EBF1: variants seen among roughly 807,000 people sequenced by gnomAD.
The protein encoded by EBF1 is EBF transcription factor 1, also known as transcription factor COE1.
In EBF1, 10 loss-of-function variants were observed where a neutral mutation model predicts 68.4. The observed-to-expected ratio is 0.15, with a 90% confidence interval of 0.09 to 0.25. EBF1 has a LOEUF of 0.25. Among genes scored for constraint, EBF1 ranks in the 10% least tolerant of loss-of-function variants. The pLI is 1.00. For synonymous variants in EBF1, 298 were observed against 299.8 expected, an observed-to-expected ratio of 0.99 and a Z score of 0.06; for missense variants, 509 against 794.4, an observed-to-expected ratio of 0.64 and a Z score of 4.32.
intron 15 of EBF1, among the ~76,000 whole-genome samples, chr5:158,702,448 A>C (rs146278668): frequency 2.0e-5 from 3 of 152,172 alleles, no homozygotes; most frequent in African/African-American, 7.2e-5. Context: ...CTGGATGATC[A>C]TGTTCTCTGA....
At chr5:158,976,274 A>G (rs1243908839) in intron 6 of EBF1, among the ~76,000 whole-genome samples, 2 of 152,194 alleles carry the variant, frequency 1.3e-5, no homozygotes, top group African/African-American at 2.4e-5. Flanking sequence ...GCTCACATCA[A>G]TGGTAATGGG....
chr5:159,009,748 G>T lies in EBF1; in HGVS notation c.554+63648C>A, dbSNP rs116815958. Among the ~76,000 whole-genome samples, 544 of 149,764 alleles carry T rather than the reference G, an allele frequency of 3.6e-3. 3 individuals are homozygous for T. Among genetic ancestry groups the T allele is most frequent in the African/African-American group, 0.012 (498 of 40,704 alleles). On this transcript the variant is annotated intron_variant, in intron 6 of 15. Transcript: ENST00000313708. ...GAGCTGAGATCTGCACTCCAGCCTG[G>T]GCAAGAGAGCAAGACCCCATCTCAA...
chr5:158,908,492 C>T (rs930293019), intron 6 of EBF1, among the ~76,000 whole-genome samples: 10 of 152,312 alleles, frequency 6.6e-5, no homozygotes, highest in Admixed American at 3.3e-4. Flanking sequence ...GCAAGCAAGG[C>T]TCCCATTAAC....
intron 4 of EBF1, among the ~76,000 whole-genome samples, chr5:159,087,253 A>AAC (rs1780803552): frequency 6.9e-6 from 1 of 144,670 alleles, no homozygotes; most frequent in South Asian, 2.1e-4. Context: ...GGCTTTCCCT[A>AAC]ATATATATAT....
chr5:158,753,957 CTGGCTAA>C (rs1561831307), intron 10 of EBF1, among the ~76,000 whole-genome samples: 1 of 151,038 alleles, frequency 6.6e-6, no homozygotes, highest in Non-Finnish European at 1.5e-5. Context: ...TTTTTTTTTT[CTGGCTAA>C]AATATAGTAT....
chr5:158,829,539 G>C (rs1036888657), intron 7 of EBF1, among the ~76,000 whole-genome samples: 2 of 149,628 alleles, frequency 1.3e-5, no homozygotes, highest in Non-Finnish European at 3.0e-5. Flanking sequence ...ATTGTAACAT[G>C]TATCACACTA....
intron 6 of EBF1, among the ~76,000 whole-genome samples, chr5:159,035,377 A>G (rs985879874): frequency 3.9e-5 from 6 of 152,358 alleles, no homozygotes; most frequent in African/African-American, 1.4e-4. Context: ...GAAGAAACCA[A>G]GAGTTTTAAA....
intron 6 of EBF1, among the ~76,000 whole-genome samples, chr5:158,883,913 A>G (rs1799469432): frequency 6.6e-6 from 1 of 152,190 alleles, no homozygotes. Flanking sequence ...GCAGAAACTA[A>G]CAAACCTCCC....
intron 8 of EBF1, among the ~76,000 whole-genome samples, chr5:158,801,667 T>TAAAAAAAA (rs11290189): frequency 7.8e-6 from 1 of 128,252 alleles, no homozygotes; most frequent in Non-Finnish European, 1.7e-5. Flanking sequence ...AGGGAAGAAT[T>TAAAAAAAA]AAAAAAAAAA....
chr5:158,980,876 G>A (rs993071980), intron 6 of EBF1, among the ~76,000 whole-genome samples: 1 of 151,902 alleles, frequency 6.6e-6, no homozygotes, highest in Non-Finnish European at 1.5e-5. Flanking sequence ...CTATATCAAG[G>A]GATTTAAACA....
intron 6 of EBF1, among the ~76,000 whole-genome samples, chr5:158,855,338 T>C (rs1290764359): frequency 2.0e-5 from 3 of 152,258 alleles, no homozygotes; most frequent in African/African-American, 7.2e-5. Flanking sequence ...TTGAAGTATA[T>C]GACAGGGAGT....
intron 6 of EBF1, among the ~76,000 whole-genome samples, chr5:158,928,462 A>G (rs1810153336): frequency 6.6e-6 from 1 of 152,172 alleles, no homozygotes. Context: ...AAAAAAAATA[A>G]TTTTTTGGCA....
intron 6 of EBF1, among the ~76,000 whole-genome samples, chr5:158,990,184 G>A (rs1022103588): frequency 6.6e-6 from 1 of 152,162 alleles, no homozygotes; most frequent in African/African-American, 2.4e-5. Flanking sequence ...AGAACGCAGA[G>A]AAACACCACC....
intron 7 of EBF1, among the ~76,000 whole-genome samples, chr5:158,833,904 A>G (rs1226186514): frequency 3.9e-5 from 6 of 152,234 alleles, no homozygotes; most frequent in Non-Finnish European, 5.9e-5. Context: ...TGATAGACTC[A>G]CCACTTAGCA....
At chr5:158,791,189 C>T (rs1365564937) in intron 9 of EBF1, among the ~76,000 whole-genome samples, 3 of 151,810 alleles carry the variant, frequency 2.0e-5, no homozygotes, top group East Asian at 1.9e-4. Context: ...TGTGGTGGCA[C>T]GCACCTGTAG....
intron 10 of EBF1, among the ~76,000 whole-genome samples, chr5:158,758,000 T>G (rs932271240): frequency 6.6e-6 from 1 of 152,210 alleles, no homozygotes; most frequent in African/African-American, 2.4e-5. Flanking sequence ...GAGAACCACT[T>G]AAAGTCTTTA....
intron 6 of EBF1, among the ~76,000 whole-genome samples, chr5:158,932,343 A>G (rs1390253647): frequency 6.6e-6 from 1 of 152,264 alleles, no homozygotes; most frequent in Non-Finnish European, 1.5e-5. Flanking sequence ...ATGCATATTA[A>G]TAAAAATAGC....
chr5:158,772,615 A>C (rs998473192), intron 10 of EBF1, among the ~76,000 whole-genome samples: 1 of 152,138 alleles, frequency 6.6e-6, no homozygotes. Context: ...CTTTATTTAC[A>C]CTTTGCTCCT....
intron 6 of EBF1, among the ~76,000 whole-genome samples, chr5:159,048,031 C>G (rs1279254842): frequency 6.6e-6 from 1 of 152,202 alleles, no homozygotes; most frequent in Non-Finnish European, 1.5e-5. Flanking sequence ...ATATTTTCCA[C>G]ATGCTCCATG....
Sources: allele counts gnomAD v4.1 joint callset (sites outside exome capture counted in the v4.1 genomes callset), GRCh38; gene constraint gnomAD v4.1.1; transcripts MANE v1.5; gene names NCBI Gene and HGNC (gene_info 2026-07-23, HGNC 2026-07-21).